CRACD: variants seen among roughly 807,000 people sequenced by gnomAD.
CRACD encodes the protein capping protein-inhibiting regulator of actin dynamics.
A neutral mutation model predicts 106.8 loss-of-function variants in CRACD; 56 were observed. That is an observed-to-expected ratio of 0.52 (90% CI 0.42 to 0.66). The LOEUF (loss-of-function observed/expected upper bound fraction) is 0.66, where lower values mean the gene tolerates loss of function less well. Ranked by LOEUF, CRACD falls within the 30% of genes least tolerant of loss-of-function variation. The pLI, the probability that CRACD is intolerant of heterozygous loss-of-function variation, is 0.00. For synonymous variants in CRACD, 754 were observed against 670.8 expected, an observed-to-expected ratio of 1.12 and a Z score of -1.92; for missense variants, 1,730 against 1,623.2, an observed-to-expected ratio of 1.07 and a Z score of -1.13.
chr4:56,251,263 CTTCACTCA>C (rs1741040297), intron 2 of CRACD, among the ~76,000 whole-genome samples: 1 of 152,206 alleles, frequency 6.6e-6, no homozygotes, highest in Non-Finnish European at 1.5e-5. Flanking sequence ...GGCCTGGTTT[CTTCACTCA>C]TTTGGCATCT....
chr4:56,162,885 A>T (rs1409182289), intron 1 of CRACD, among the ~76,000 whole-genome samples: 1 of 152,228 alleles, frequency 6.6e-6, no homozygotes, highest in Non-Finnish European at 1.5e-5. Context: ...AAAGGGCCAG[A>T]TGGTAAAGGT....
At chr4:56,242,955 A>G (rs551804684) in intron 2 of CRACD, among the ~76,000 whole-genome samples, 17 of 152,318 alleles carry the variant, frequency 1.1e-4, no homozygotes, top group African/African-American at 3.8e-4. Flanking sequence ...CCTAGAGCGC[A>G]TGAGCCGCCC....
At chr4:56,261,336 G>A (rs552397284) in intron 2 of CRACD, among the ~76,000 whole-genome samples, 25 of 149,414 alleles carry the variant, frequency 1.7e-4, no homozygotes, top group African/African-American at 5.2e-4. Flanking sequence ...AAATATCTCC[G>A]CCTCTGTTAC....
intron 2 of CRACD, among the ~76,000 whole-genome samples, chr4:56,223,117 G>A (rs915822771): frequency 2.0e-5 from 3 of 151,106 alleles, no homozygotes; most frequent in East Asian, 1.9e-4. Context: ...TCTTGAAGAT[G>A]TTGACAGTAG....
chr4:56,114,855 C>A (rs951740186), intron 1 of CRACD, among the ~76,000 whole-genome samples: 2 of 151,888 alleles, frequency 1.3e-5, no homozygotes, highest in Non-Finnish European at 2.9e-5. Context: ...ATATTTCTTG[C>A]CTGTGCATTA....
In CRACD at chr4:56,077,780, A is replaced by G. The variant is rs187329356; in HGVS notation, c.-336+28481A>G. 1.4e-4 allele frequency among the ~76,000 whole-genome samples: 21 copies of G among 152,270 alleles called. No individual in the cohort carries two copies. In the South Asian group the frequency reaches 3.3e-3, roughly 24 times the overall value. ...GGTTTTTACTCTAATGGGGTGTACA[A>G]TTTTTCAGAGGATAGTCATGAACAC... On this transcript the variant is annotated intron_variant, in intron 1 of 10. Transcript: ENST00000682029.
At chr4:56,152,634 G>A (rs547721331) in intron 1 of CRACD, among the ~76,000 whole-genome samples, 1 of 152,196 alleles carries the variant, frequency 6.6e-6, no homozygotes, top group Admixed American at 6.5e-5. Flanking sequence ...AGGAGTTCAA[G>A]GGTGCAGTGA....
intron 5 of CRACD, chr4:56,309,130 G>A: frequency 2.5e-6 from 1 of 403,796 alleles, no homozygotes; most frequent in Non-Finnish European, 4.9e-6. Flanking sequence ...TGGTGGTGGA[G>A]AGGTCTCTTA....
chr4:56,145,870 C>T (rs748378635), intron 1 of CRACD, among the ~76,000 whole-genome samples: 2 of 152,024 alleles, frequency 1.3e-5, no homozygotes, highest in Non-Finnish European at 2.9e-5. Context: ...GTGATCTGCC[C>T]GCCTTGGCCT....
chr4:56,070,523 GTGAT>G (rs1218703027), intron 1 of CRACD, among the ~76,000 whole-genome samples: 2 of 151,890 alleles, frequency 1.3e-5, no homozygotes, highest in Non-Finnish European at 1.5e-5. Flanking sequence ...TCCTGACCTC[GTGAT>G]CCGCCCGCCT....
intron 2 of CRACD, among the ~76,000 whole-genome samples, chr4:56,268,106 G>T (rs532381355): frequency 6.6e-6 from 1 of 152,272 alleles, no homozygotes; most frequent in East Asian, 1.9e-4. Flanking sequence ...GTGACACAGA[G>T]GACCTCATCA....
At chr4:56,066,670 G>A (rs558489221) in intron 1 of CRACD, among the ~76,000 whole-genome samples, 2 of 152,242 alleles carry the variant, frequency 1.3e-5, no homozygotes, top group South Asian at 4.1e-4. Context: ...ACACTCCCTG[G>A]TAAACAGGAT....
chr4:56,284,320 T>A (rs1308010331), intron 3 of CRACD, among the ~76,000 whole-genome samples: 1 of 56,098 alleles, frequency 1.8e-5, no homozygotes, highest in Non-Finnish European at 3.8e-5. Flanking sequence ...AAAAAAAAAT[T>A]GCTGACAAAT....
chr4:56,330,305 A>G lies in CRACD; in HGVS notation c.*2501A>G, dbSNP rs1258799831. Among the ~76,000 whole-genome samples the G allele has an allele frequency of 2.0e-5, 3 of 151,460 alleles. No homozygotes were observed. Among genetic ancestry groups the G allele is most frequent in the African/African-American group, 7.3e-5 (3 of 41,214 alleles). ...AGAGGGTTTTTTGTTTACTTTTTTA[A>G]TTTTTCAAGTGCAATTGTTTCTTAC... On this transcript the variant is annotated 3_prime_UTR_variant, in exon 11 of 11. Coordinates refer to ENST00000682029, the MANE Select transcript of CRACD (RefSeq NM_001393381.1).
Position 56,327,710 on chromosome 4 carries a change from C to T in CRACD, c.3608C>T (p.Pro1203Leu), listed in dbSNP as rs376700138. ...GAAGTCACCAAGAGGTTTTCCACCC[C>T]GGATGCTGCCCCCGTGTCAACAGAA... ...VKEVTKRFST[P>L]DAAPVSTEPA... The change falls in exon 11 of 11, where the codon CCG becomes CTG. Residue 1203 changes from proline to leucine, a missense_variant. By Grantham distance (98) the Pro-to-Leu change is moderately conservative (BLOSUM62 -3). This residue lies in a region of CRACD where 89 missense variants were observed against 89.6 expected (regional missense o/e 0.99). Transcript: ENST00000682029. 43 of 1,614,000 alleles carry T rather than the reference C, an allele frequency of 2.7e-5. No individual in the cohort carries two copies. The highest frequency in any genetic ancestry group is 9.9e-5 in the South Asian group (9 of 91,078).
chr4:56,306,944 G>A (rs923210085), intron 4 of CRACD, among the ~76,000 whole-genome samples: 5 of 152,200 alleles, frequency 3.3e-5, no homozygotes, highest in Non-Finnish European at 5.9e-5. Flanking sequence ...TGGCCCTGGG[G>A]CCTTCTTTGC....
intron 2 of CRACD, among the ~76,000 whole-genome samples, chr4:56,258,232 T>G (rs568404093): frequency 3.3e-5 from 5 of 152,308 alleles, no homozygotes; most frequent in African/African-American, 1.2e-4. Flanking sequence ...ATAACTTAAC[T>G]CTTTCAACTA....
chr4:56,188,742 A>G (rs2109451574), intron 2 of CRACD, among the ~76,000 whole-genome samples: 1 of 148,728 alleles, frequency 6.7e-6, no homozygotes, highest in South Asian at 2.2e-4. Context: ...AGAGGGGTTA[A>G]CATTTTCCAC....
At chr4:56,306,902 A>G (rs553412234) in intron 4 of CRACD, among the ~76,000 whole-genome samples, 327 of 152,222 alleles carry the variant, frequency 2.1e-3, no homozygotes, top group Non-Finnish European at 3.8e-3. Context: ...TATCCTTTAT[A>G]GGGTTTTAGT....
Sources: gnomAD v4.1 joint callset for allele counts (sites outside exome capture counted in the v4.1 genomes callset) on GRCh38, gnomAD v4.1.1 for gene constraint, gnomAD v4.1.1 regional missense constraint, MANE v1.5 for transcripts, NCBI Gene and HGNC (gene_info 2026-07-23, HGNC 2026-07-21) for gene names.